The following CEP44 variants were observed in gnomAD, a reference collection of about 807,000 sequenced individuals.
CEP44 encodes the protein centrosomal protein 44.
In CEP44, 45 loss-of-function variants were observed where a neutral mutation model predicts 46.7. The observed-to-expected ratio is 0.96, with a 90% confidence interval of 0.76 to 1.24. The LOEUF is 1.24. Among genes scored for constraint, CEP44 ranks in the 50% most tolerant of loss-of-function variants. The pLI, the probability that CEP44 is intolerant of heterozygous loss-of-function variation, is 0.00. For missense variants in CEP44, 475 were observed against 459.7 expected, an observed-to-expected ratio of 1.03 and a Z score of -0.30; for synonymous variants, 142 against 146.0, an observed-to-expected ratio of 0.97 and a Z score of 0.20.
chr4:174,320,684 CTGTGTGTGTGTG>C (rs34832692), downstream of CEP44, among the ~76,000 whole-genome samples: 1 of 147,412 alleles, frequency 6.8e-6, no homozygotes, highest in African/African-American at 2.5e-5. Context: ...TGAGTGTGCT[CTGTGTGTGTGTG>C]TGTGTGTATG....
At chr4:174,315,840 CAA>C (rs58586936) in intron 9 of CEP44, among the ~76,000 whole-genome samples, 3,455 of 95,778 alleles carry the variant, frequency 0.036, 38 homozygotes, top group African/African-American at 0.064. Context: ...GACTCCGTCT[CAA>C]AAAAAAAAAA....
chr4:174,324,894 A>G (rs1024987013), downstream of CEP44, among the ~76,000 whole-genome samples: 5 of 152,130 alleles, frequency 3.3e-5, no homozygotes, highest in Non-Finnish European at 4.4e-5. Flanking sequence ...CTCTGTTCCC[A>G]AATTCAACCC....
intron 3 of CEP44, among the ~76,000 whole-genome samples, chr4:174,300,118 A>G (rs1478667689): frequency 2.6e-5 from 4 of 152,190 alleles, no homozygotes; most frequent in Non-Finnish European, 5.9e-5. Flanking sequence ...GTTCAAGAGT[A>G]GAGGGAAACT....
rs1731294553 is a variant in CEP44 at position 174,331,053 on chromosome 4, A to T, written c.1087-429A>T. Among the ~76,000 whole-genome samples the T allele has an allele frequency of 6.6e-6, 1 of 152,138 alleles. No individual in the cohort carries two copies. Among genetic ancestry groups the T allele is most frequent in the African/African-American group, 2.4e-5 (1 of 41,440 alleles). ...TGGTTAAGGCACTTGATATCTACTGATGTCTTTACACCCATAAAAGGTATA... is the reference window on the plus strand; with the variant it reads ...TGGTTAAGGCACTTGATATCTACTGTTGTCTTTACACCCATAAAAGGTATA... On this transcript the variant is annotated intron_variant, in intron 8 of 8. Coordinates refer to the CEP44 transcript ENST00000426172. This position sits in a 1 kb window ranked among gnomAD's most constrained non-coding sequence, Gnocchi z 4.5.
chr4:174,333,296 T>G (rs946154598), exon 9 of CEP44: 2 of 147,512 alleles, frequency 1.4e-5, no homozygotes, highest in African/African-American at 5.0e-5. Context: ...TTATCTAGTA[T>G]GCATACCTTT....
chr4:174,293,509 T>C (rs1481905841), intron 1 of CEP44, among the ~76,000 whole-genome samples: 3 of 152,232 alleles, frequency 2.0e-5, no homozygotes, highest in Admixed American at 2.0e-4. Context: ...ATTTGTCACA[T>C]ACAGATCATT....
intron 11 of CEP44, 138 bp downstream of exon 11, chr4:174,316,705 A>G: frequency 1.5e-6 from 1 of 668,082 alleles, no homozygotes. Context: ...TCAGGACTCC[A>G]CTGGATAATA....
downstream of CEP44, among the ~76,000 whole-genome samples, chr4:174,325,331 A>G (rs57241669): frequency 0.1 from 15,445 of 152,084 alleles, 1,377 homozygotes; most frequent in East Asian, 0.57. The surrounding 1 kb of genome is among the most constrained non-coding windows in gnomAD (Gnocchi z 4.4). Flanking sequence ...AATTTTTATA[A>G]CATCCATTTA....
Position 174,290,133 on chromosome 4 carries a change from C to T in CEP44, c.-148+6190C>T, listed in dbSNP as rs1010233978. Among the ~76,000 whole-genome samples, 16 of 152,140 alleles carry T rather than the reference C, an allele frequency of 1.1e-4. No individual in the cohort carries two copies. The highest frequency in any genetic ancestry group is 5.2e-4 in the Admixed American group (8 of 15,276). ...CCCCCAAAAGTGCTAGGATTATAGG[C>T]GTGAGCCACTGTGTCCTGCCTCTTT... On this transcript the variant is annotated intron_variant, in intron 1 of 11. Transcript: ENST00000503780. The surrounding 1 kb of genome is among the most constrained non-coding windows in gnomAD (Gnocchi z 4.3).
chr4:174,294,617 C>T (rs1310770045), intron 1 of CEP44, among the ~76,000 whole-genome samples: 11 of 151,704 alleles, frequency 7.3e-5, no homozygotes, highest in South Asian at 4.2e-4. Flanking sequence ...CCAGTAGGGG[C>T]GGCCGGGCAG....
chr4:174,320,789 A>G (rs1365171827), downstream of CEP44, among the ~76,000 whole-genome samples: 1 of 151,992 alleles, frequency 6.6e-6, no homozygotes, highest in African/African-American at 2.4e-5. Flanking sequence ...AAGCAGCAGA[A>G]TATGATAACC....
intron 6 of CEP44, among the ~76,000 whole-genome samples, chr4:174,305,693 C>G (rs1740307116): frequency 6.6e-6 from 1 of 152,096 alleles, no homozygotes; most frequent in Admixed American, 6.6e-5. Flanking sequence ...TGACTTATAT[C>G]TTGTATTCTT....
rs1731304604 is a variant in CEP44, at chr4:174,331,235, A to G, written c.1087-247A>G. On this transcript the variant is annotated intron_variant, in intron 8 of 8. Transcript: ENST00000426172. The surrounding 1 kb of genome is among the most constrained non-coding windows in gnomAD (Gnocchi z 4.5). Reference sequence around the variant, plus strand: ...TTCTTATTGCCATCACTCCTCACCAATGAGAAAAAAAAAAAAACTCTGAAC... The same window carrying G: ...TTCTTATTGCCATCACTCCTCACCAGTGAGAAAAAAAAAAAAACTCTGAAC... Among the ~76,000 whole-genome samples, 1 of 151,838 alleles carries G rather than the reference A, an allele frequency of 6.6e-6. No individual in the cohort carries two copies. The highest frequency in any genetic ancestry group is 6.6e-5 in the Admixed American group (1 of 15,234).
At chr4:174,303,001 C>T (rs969178489) in intron 4 of CEP44, among the ~76,000 whole-genome samples, 1 of 152,010 alleles carries the variant, frequency 6.6e-6, no homozygotes, top group African/African-American at 2.4e-5. Context: ...AGGATGGTCT[C>T]GATCTCCTGA....
At position 174,319,524 on chromosome 4, in the gene CEP44, C is replaced by T; in HGVS notation, c.*2141C>T. The T allele has an allele frequency of 1.1e-6, 1 of 878,316 alleles. No individual in the cohort carries two copies. The highest frequency in any genetic ancestry group is 5.8e-4 in the Middle Eastern group (1 of 1,722). 54.4% of individuals were successfully genotyped at this position (878,316 alleles called of 1,614,324 possible). ...GAAAAAAAGTTAAGTCTCTTTCTAC[C>T]CTTTCTTTTTTTCTTTATATAGTGC... is the stretch of plus-strand genomic sequence containing the variant. On this transcript the variant is annotated 3_prime_UTR_variant, in exon 12 of 12. Coordinates refer to ENST00000503780, the MANE Select transcript of CEP44 (RefSeq NM_001040157.3).
chr4:174,301,689 A>G lies in CEP44; in HGVS notation c.90-350A>G, dbSNP rs1022236077. Among the ~76,000 whole-genome samples the G allele has an allele frequency of 6.6e-6, 1 of 152,236 alleles. No homozygotes were observed. Among genetic ancestry groups the G allele is most frequent in the Non-Finnish European group, 1.5e-5 (1 of 68,028 alleles). ...TAATAGAACAAGTGTTTGCAAAACCATAAAGTGTACTTCAATTTTGTAAGA... is the reference window on the plus strand; with the variant it reads ...TAATAGAACAAGTGTTTGCAAAACCGTAAAGTGTACTTCAATTTTGTAAGA... On this transcript the variant is annotated intron_variant, in intron 3 of 11. Coordinates refer to ENST00000503780, the MANE Select transcript of CEP44 (RefSeq NM_001040157.3). This position sits in a 1 kb window ranked among gnomAD's most constrained non-coding sequence, Gnocchi z 4.3.
chr4:174,305,030 A>G (rs918469884), intron 6 of CEP44, among the ~76,000 whole-genome samples: 2 of 152,214 alleles, frequency 1.3e-5, no homozygotes, highest in African/African-American at 4.8e-5. Context: ...GAATGATAGA[A>G]TATCAGATGA....
intron 5 of CEP44, 31 bp downstream of exon 5, chr4:174,303,880 G>A: frequency 7.1e-7 from 1 of 1,402,780 alleles, no homozygotes. Context: ...TAATGCTGAT[G>A]TATGCTATTA....
At position 174,314,426 on chromosome 4, in the gene CEP44, G is replaced by A. The variant is rs558819958; in HGVS notation, c.962-1740G>A. Among the ~76,000 whole-genome samples, 1 of 152,324 alleles carries A rather than the reference G, an allele frequency of 6.6e-6. No individual in the cohort carries two copies. Among genetic ancestry groups the A allele is most frequent in the South Asian group, 2.1e-4 (1 of 4,828 alleles). On this transcript the variant is annotated intron_variant, in intron 9 of 11. Coordinates refer to ENST00000503780, the MANE Select transcript of CEP44 (RefSeq NM_001040157.3). The surrounding 1 kb of genome is among the most constrained non-coding windows in gnomAD (Gnocchi z 4.1). ...GATCTGGCTATTAAATATAGCTGGT[G>A]TTCTGTAATGGTCCACTCTGTAGCC...
Sources: gnomAD v4.1 joint callset for allele counts (sites outside exome capture counted in the v4.1 genomes callset) on GRCh38, gnomAD v4.1.1 for gene constraint, Gnocchi (gnomAD v3.1) non-coding constraint, MANE v1.5 for transcripts, NCBI Gene and HGNC (gene_info 2026-07-23, HGNC 2026-07-21) for gene names.